The following KCNQ1 variants were observed in gnomAD, a reference collection of about 807,000 sequenced individuals.
The protein encoded by KCNQ1 is potassium voltage-gated channel subfamily KQT member 1.
Under a neutral mutation model 72.4 loss-of-function variants are expected in KCNQ1, and 49 were observed. The ratio of observed to expected loss-of-function variants is 0.68; its 90% CI spans 0.54 to 0.86. The LOEUF (loss-of-function observed/expected upper bound fraction) is 0.86. Among genes scored for constraint, KCNQ1 ranks in the 40% least tolerant of loss-of-function variants. The pLI is 0.00. For missense variants in KCNQ1, 790 were observed against 945.1 expected, an observed-to-expected ratio of 0.84 and a Z score of 2.15; for synonymous variants, 450 against 412.6, an observed-to-expected ratio of 1.09 and a Z score of -1.10.
Position 2,624,472 on chromosome 11 carries a change from T to C in KCNQ1, c.1393+35618T>C, listed in dbSNP as rs1278579153. 2.5e-6 allele frequency: 1 copy of C among 398,400 alleles called. No homozygotes were observed. The highest frequency in any genetic ancestry group is 3.6e-5 in the East Asian group (1 of 28,056). 24.7% of individuals were successfully genotyped at this position (398,400 alleles called of 1,614,324 possible). A position where few individuals can be genotyped will look rare whatever the true frequency, so the allele number is the denominator to read the frequency against. On this transcript the variant is annotated intron_variant, in intron 10 of 15. Transcript: ENST00000155840. The surrounding 1 kb of genome is among the most constrained non-coding windows in gnomAD (Gnocchi z 4.9). ...TTCATGAATCATGCCTTTGGTGTCA[T>C]ATCTAAAAAGCCATCACCAAACTAA...
chr11:2,665,986 G>A, intron 11 of KCNQ1: 1 of 398,674 alleles, frequency 2.5e-6, no homozygotes, highest in Non-Finnish European at 4.4e-6. Context: ...AAGCCAGCCA[G>A]GACTGGCCTG....
At position 2,827,717 on chromosome 11, in the gene KCNQ1, G is replaced by T. The variant is rs1191506103; in HGVS notation, c.1795-20050G>T. On this transcript the variant is annotated intron_variant, in intron 15 of 15. Transcript: ENST00000155840. This position sits in a 1 kb window ranked among gnomAD's most constrained non-coding sequence, Gnocchi z 6.7. Reference sequence around the variant, plus strand: ...GGAAAATTCCACATGTGGCTTGGAGGCCAGACCAGAAGGACTCAGATAGGA... The same window carrying T: ...GGAAAATTCCACATGTGGCTTGGAGTCCAGACCAGAAGGACTCAGATAGGA... Among the ~76,000 whole-genome samples the T allele has an allele frequency of 6.6e-6, 1 of 152,190 alleles. No homozygotes were observed.
At chr11:2,638,095 T>G (rs1406957871) in intron 10 of KCNQ1, 1 of 152,238 alleles carries the variant, frequency 6.6e-6, no homozygotes, top group African/African-American at 2.4e-5. Context: ...ATGGGTCTCC[T>G]GAATACAGCA....
At chr11:2,521,937 G>A (rs1196415815) in intron 1 of KCNQ1, among the ~76,000 whole-genome samples, 4 of 152,366 alleles carry the variant, frequency 2.6e-5, no homozygotes, top group African/African-American at 9.6e-5. Context: ...CAGGCCATCT[G>A]AGCCGTGGAG....
Position 2,471,741 on chromosome 11 carries a change from CATGGGCGTGTGTGTACTTGTGT to C in KCNQ1, c.386+26263_386+26284del, listed in dbSNP as rs1249934268. ...GTGTGCATGGGCGTGTGTATGTGTG[CATGGGCGTGTGTGTACTTGTGT>C]ATGGGTGTGTGCATGTGATTGGGTG... On this transcript the variant is annotated intron_variant, in intron 1 of 15. Coordinates refer to ENST00000155840, the MANE Select transcript of KCNQ1 (RefSeq NM_000218.3). The surrounding 1 kb of genome is among the most constrained non-coding windows in gnomAD (Gnocchi z 4.8). Among the ~76,000 whole-genome samples the C allele has an allele frequency of 2.9e-5, 4 of 139,278 alleles. No individual in the cohort carries two copies. The East Asian group carries it at 6.3e-4, about 22-fold the overall frequency. 91.4% of individuals were successfully genotyped at this position (139,278 alleles called of 152,430 possible). A position where few individuals can be genotyped will look rare whatever the true frequency, so the allele number is the denominator to read the frequency against.
chr11:2,469,633 C>G (rs1484973827), intron 1 of KCNQ1, among the ~76,000 whole-genome samples: 1 of 151,938 alleles, frequency 6.6e-6, no homozygotes, highest in Admixed American at 6.6e-5. Context: ...TCTGTGAAGC[C>G]TTCCCTTATC....
intron 1 of KCNQ1, among the ~76,000 whole-genome samples, chr11:2,525,401 C>T (rs765843472): frequency 2.6e-5 from 4 of 152,204 alleles, no homozygotes; most frequent in African/African-American, 9.7e-5. Context: ...CTGCATCCAC[C>T]GCGTGCTAGC....
rs1227291629 is a variant in KCNQ1 at position 2,608,720 on chromosome 11, CA to C, written c.1393+19867del. On this transcript the variant is annotated intron_variant, in intron 10 of 15. Transcript: ENST00000155840. The surrounding 1 kb of genome is among the most constrained non-coding windows in gnomAD (Gnocchi z 4.6). Reference sequence around the variant, plus strand: ...CACAAGCAATTCTCGAACTCCTGGCCACAAGCAATTCTCCTGCCTTGGCCTC... The same window carrying C: ...CACAAGCAATTCTCGAACTCCTGGCCCAAGCAATTCTCCTGCCTTGGCCTC... 2 of 394,528 alleles carry C rather than the reference CA, an allele frequency of 5.1e-6. No individual in the cohort carries two copies. Among genetic ancestry groups the C allele is most frequent in the Non-Finnish European group, 8.8e-6 (2 of 226,052 alleles). The allele number at this position is 394,528 out of a possible 1,614,324, so 24.4% of individuals were successfully genotyped here. A position where few individuals can be genotyped will look rare whatever the true frequency, so the allele number is the denominator to read the frequency against.
At chr11:2,646,220 A>T (rs1849663300) in intron 10 of KCNQ1, 1 of 398,646 alleles carries the variant, frequency 2.5e-6, no homozygotes, top group Non-Finnish European at 4.4e-6. Context: ...TGAGTGCCAG[A>T]TGCCTCTAGT....
chr11:2,755,407 C>T (rs943629299), intron 11 of KCNQ1, among the ~76,000 whole-genome samples: 15 of 152,280 alleles, frequency 9.9e-5, no homozygotes, highest in East Asian at 9.6e-4. Flanking sequence ...CGTGCCACCG[C>T]GCCTGGCTAA....
intron 11 of KCNQ1, among the ~76,000 whole-genome samples, chr11:2,743,537 G>C (rs1164978246): frequency 6.6e-6 from 1 of 152,196 alleles, no homozygotes; most frequent in Non-Finnish European, 1.5e-5. Flanking sequence ...CCCAGAGGGA[G>C]AACTTGAGCA....
intron 10 of KCNQ1, chr11:2,641,680 T>C (rs1589999478): frequency 1.0e-5 from 4 of 398,248 alleles, no homozygotes; most frequent in Non-Finnish European, 1.8e-5. Context: ...GTCTGTGTTT[T>C]TGAGGTCTTA....
chr11:2,530,265 C>G (rs774750901), intron 2 of KCNQ1, among the ~76,000 whole-genome samples: 4 of 152,216 alleles, frequency 2.6e-5, no homozygotes, highest in Non-Finnish European at 4.4e-5. Context: ...AGATGAGCAC[C>G]CAGCCAAGTC....
chr11:2,616,497 T>G lies in KCNQ1; in HGVS notation c.1393+27643T>G, dbSNP rs1378997713. The G allele has an allele frequency of 1.0e-5, 4 of 397,740 alleles. No individual in the cohort carries two copies. In the East Asian group the frequency reaches 1.4e-4, roughly 14 times the overall value. The allele number at this position is 397,740 out of a possible 1,614,324, so 24.6% of individuals were successfully genotyped here. On this transcript the variant is annotated intron_variant, in intron 10 of 15. Transcript: ENST00000155840. The stretch of plus-strand genomic sequence containing the variant: ...AGGTATAATATTAGGTTATGGATCC[T>G]TCTTCTTTTTCAGTGTGGGCATTCA...
intron 11 of KCNQ1, chr11:2,693,192 C>A (rs765904999): frequency 2.5e-6 from 1 of 398,576 alleles, no homozygotes; most frequent in East Asian, 3.6e-5. Context: ...TCTGGCTCTG[C>A]GTTCCAGTCA....
At chr11:2,622,289 C>T (rs1849187011) in intron 10 of KCNQ1, 1 of 398,186 alleles carries the variant, frequency 2.5e-6, no homozygotes, top group South Asian at 1.3e-4. Context: ...TCCATTTTCT[C>T]AGTATGTAAT....
rs536192213 is a variant in KCNQ1, at chr11:2,509,651, C to T, written c.387-18277C>T. On this transcript the variant is annotated intron_variant, in intron 1 of 15. Transcript: ENST00000155840. The surrounding 1 kb of genome is among the most constrained non-coding windows in gnomAD (Gnocchi z 6.3). ...AGGTGTCAGCGTTTCACTCCCAGCA[C>T]GTCACGCCACGTCCCTTTCCTCTGC... Among the ~76,000 whole-genome samples, 17 of 152,332 alleles carry T rather than the reference C, an allele frequency of 1.1e-4. No individual in the cohort carries two copies. Among genetic ancestry groups the T allele is most frequent in the East Asian group, 7.7e-4 (4 of 5,178 alleles).
At chr11:2,799,407 G>GTGTGTGGT (rs1847213240) in intron 15 of KCNQ1, among the ~76,000 whole-genome samples, 1 of 142,300 alleles carries the variant, frequency 7.0e-6, no homozygotes, top group Non-Finnish European at 1.5e-5. Flanking sequence ...TGTGTGGTGT[G>GTGTGTGGT]GTGTGTAGCA....
chr11:2,445,146 T>C lies in KCNQ1; in HGVS notation c.48T>C (p.Gly16=). 8.9e-7 allele frequency: 1 copy of C among 1,128,340 alleles called. No homozygotes were observed. The highest frequency in any genetic ancestry group is 1.1e-6 in the Non-Finnish European group (1 of 918,660). 69.9% of individuals were successfully genotyped at this position (1,128,340 alleles called of 1,614,324 possible). ...CCAGGGCCGAGAGGAAGCGCTGGGG[T>C]TGGGGCCGCCTGCCAGGCGCCCGGC... ...SPPRAERKRW[G]WGRLPGARRG... is the part of the protein sequence containing the mutation. The change falls in exon 1 of 16, where the codon GGT becomes GGC. Residue 16 remains glycine (G), a synonymous_variant. Coordinates refer to ENST00000155840, the MANE Select transcript of KCNQ1 (RefSeq NM_000218.3).
Sources: gnomAD v4.1 joint callset for allele counts (sites outside exome capture counted in the v4.1 genomes callset) on GRCh38, gnomAD v4.1.1 for gene constraint, Gnocchi (gnomAD v3.1) non-coding constraint, MANE v1.5 for transcripts, NCBI Gene and HGNC (gene_info 2026-07-23, HGNC 2026-07-21) for gene names.